HEPACAM2: variants seen among roughly 807,000 people sequenced by gnomAD.
HEPACAM2 encodes the protein HEPACAM family member 2, also known as mitotic kinetics regulator.
Under a neutral mutation model 49.6 loss-of-function variants are expected in HEPACAM2, and 49 were observed. The observed-to-expected ratio is 0.99, with a 90% CI of 0.78 to 1.25. HEPACAM2 has a LOEUF of 1.25. HEPACAM2 is among the 50% of genes most tolerant of loss of function. HEPACAM2 has a pLI of 0.00. For missense variants in HEPACAM2, 525 were observed against 557.2 expected (o/e 0.94, Z 0.58); for synonymous variants, 197 against 202.9 (o/e 0.97, Z 0.25).
chr7:93,215,586 C>T lies in HEPACAM2; in HGVS notation c.530G>A (p.Arg177Gln), dbSNP rs773053477. The T allele has an allele frequency of 4.3e-6, 7 of 1,613,736 alleles. No homozygotes were observed. The highest frequency in any genetic ancestry group is 4.5e-5 in the East Asian group (2 of 44,846). Residue 177 changes from arginine (R) to glutamine (Q), a missense_variant, in exon 3 of 10, where the codon CGG (arginine) becomes CAG (glutamine). Physicochemically the swap from Arg to Gln is conservative, Grantham distance 43. Transcript: ENST00000394468. The stretch of plus-strand genomic sequence containing the variant: ...ATTTTTTAGCCATTGGTAAGCTAGC[C>T]GAGTGCCCCCTTCCACATGGCATGT... ...TLTCHVEGGT[R>Q]LAYQWLKNGR...
At chr7:93,190,603 C>G (rs576578556) in intron 9 of HEPACAM2, among the ~76,000 whole-genome samples, 35 of 152,030 alleles carry the variant, frequency 2.3e-4, no homozygotes, top group African/African-American at 8.4e-4. Flanking sequence ...GGACCATGTC[C>G]CAATAGCGGT....
intron 4 of HEPACAM2, among the ~76,000 whole-genome samples, chr7:93,200,207 T>G (rs1354110806): frequency 1.3e-5 from 2 of 152,114 alleles, no homozygotes. Context: ...TCTCCCACTT[T>G]GTGATTTTTT....
chr7:93,207,918 A>AT (rs923050337), intron 4 of HEPACAM2, among the ~76,000 whole-genome samples: 10 of 152,060 alleles, frequency 6.6e-5, no homozygotes, highest in African/African-American at 2.4e-4. Flanking sequence ...GAATAAAACC[A>AT]TTCTGTAGAG....
intron 2 of HEPACAM2, among the ~76,000 whole-genome samples, 199 bp downstream of exon 2, chr7:93,218,902 G>T (rs1285521893): frequency 6.6e-6 from 1 of 152,150 alleles, no homozygotes; most frequent in African/African-American, 2.4e-5. Flanking sequence ...TATCTCTTAT[G>T]TGCATGTCTT....
chr7:93,204,865 C>T (rs1313191362), intron 4 of HEPACAM2, among the ~76,000 whole-genome samples: 6 of 151,970 alleles, frequency 3.9e-5, no homozygotes, highest in African/African-American at 9.7e-5. Context: ...TTTGGGAGGC[C>T]GAGGTGGGCA....
chr7:93,193,444 T>C (rs1793607805), intron 8 of HEPACAM2, among the ~76,000 whole-genome samples: 1 of 152,162 alleles, frequency 6.6e-6, no homozygotes, highest in African/African-American at 2.4e-5. Flanking sequence ...CTAACTTACC[T>C]AACCTAATAT....
At chr7:93,225,052 G>A (rs1794514860) in intron 1 of HEPACAM2, among the ~76,000 whole-genome samples, 1 of 152,094 alleles carries the variant, frequency 6.6e-6, no homozygotes, top group South Asian at 2.1e-4. Flanking sequence ...TTATGAACAT[G>A]CTATTTTCCT....
Position 93,197,281 on chromosome 7 carries a change from G to C in HEPACAM2, c.1164-3C>G, listed in dbSNP as rs745686155. ...CTTTCCTGTATTCTGTTTCTGGCCT[G>C]AAAAGACAAAATAGGTATTTTTGTC... is the stretch of plus-strand genomic sequence containing the variant. On this transcript the variant is annotated splice_polypyrimidine_tract_variant and splice_region_variant and intron_variant, in intron 6 of 9. Coordinates refer to ENST00000394468, the MANE Select transcript of HEPACAM2 (RefSeq NM_001039372.4). 7.5e-6 allele frequency: 12 copies of C among 1,610,558 alleles called. No homozygotes were observed. The highest frequency in any genetic ancestry group is 1.7e-5 in the Admixed American group (1 of 59,600).
intron 4 of HEPACAM2, among the ~76,000 whole-genome samples, chr7:93,200,077 G>A (rs914511883): frequency 2.0e-5 from 3 of 151,720 alleles, no homozygotes; most frequent in Admixed American, 2.0e-4. Flanking sequence ...ATATGAAAAG[G>A]GTGTATTCTG....
chr7:93,218,316 G>A (rs1022717019), intron 2 of HEPACAM2, among the ~76,000 whole-genome samples: 1 of 152,056 alleles, frequency 6.6e-6, no homozygotes, highest in African/African-American at 2.4e-5. Flanking sequence ...GACAGTTCAG[G>A]CCGCGGCTGA....
chr7:93,212,267 G>C (rs551156119), intron 3 of HEPACAM2, among the ~76,000 whole-genome samples: 1 of 152,048 alleles, frequency 6.6e-6, no homozygotes, highest in South Asian at 2.1e-4. Context: ...TGTGTATTTT[G>C]ATTTCGTTAC....
In HEPACAM2 at chr7:93,207,983, C is replaced by T. The variant is rs775428149; in HGVS notation, c.1012+597G>A. Among the ~76,000 whole-genome samples the T allele has an allele frequency of 6.6e-5, 10 of 151,928 alleles. No homozygotes were observed. The East Asian group carries it at 1.4e-3, about 21-fold the overall frequency. ...TTTGGTGGACATCAATATTTTAGGC[C>T]GTAATTCTTAATCTTTGCGGGTTGA... On this transcript the variant is annotated intron_variant, in intron 4 of 9. Coordinates refer to ENST00000394468, the MANE Select transcript of HEPACAM2 (RefSeq NM_001039372.4).
intron 1 of HEPACAM2, among the ~76,000 whole-genome samples, chr7:93,221,862 A>G (rs1237970113): frequency 1.3e-5 from 2 of 152,180 alleles, no homozygotes; most frequent in Non-Finnish European, 2.9e-5. Flanking sequence ...TGATTGGTCC[A>G]TAACAAAGCA....
intron 3 of HEPACAM2, among the ~76,000 whole-genome samples, chr7:93,213,724 T>C (rs1260438964): frequency 1.3e-5 from 2 of 151,822 alleles, no homozygotes; most frequent in Non-Finnish European, 2.9e-5. Context: ...TCAAGGAAAA[T>C]ATAAAGCAGT....
intron 4 of HEPACAM2, among the ~76,000 whole-genome samples, chr7:93,204,471 G>A (rs761187833): frequency 6.6e-6 from 1 of 151,972 alleles, no homozygotes; most frequent in African/African-American, 2.4e-5. Flanking sequence ...AAGGAAGTCC[G>A]TAATTAAGGT....
At chr7:93,225,929 C>A in intron 1 of HEPACAM2, 1 of 1,426,974 alleles carries the variant, frequency 7.0e-7, no homozygotes, top group South Asian at 1.3e-5. Flanking sequence ...TAAAACGAAG[C>A]AGTAAACAGT....
chr7:93,195,056 A>T (rs552816201), intron 8 of HEPACAM2, among the ~76,000 whole-genome samples: 1 of 151,608 alleles, frequency 6.6e-6, no homozygotes, highest in African/African-American at 2.4e-5. Context: ...TTCCTTCTGA[A>T]GCATGAGGTA....
intron 1 of HEPACAM2, among the ~76,000 whole-genome samples, chr7:93,224,495 T>G (rs1315313501): frequency 6.6e-6 from 1 of 152,076 alleles, no homozygotes; most frequent in Non-Finnish European, 1.5e-5. Context: ...GGAGAAACAT[T>G]TATAATACTA....
chr7:93,194,921 C>CTTTTTTTTTT (rs80158728), intron 8 of HEPACAM2, among the ~76,000 whole-genome samples: 3,249 of 117,780 alleles, frequency 0.028, 108 homozygotes, highest in Non-Finnish European at 0.035. Flanking sequence ...TTTAAAAGAT[C>CTTTTTTTTTT]TTTTTTTTTT....
Sources: gnomAD v4.1 joint callset for allele counts (sites outside exome capture counted in the v4.1 genomes callset) on GRCh38, gnomAD v4.1.1 for gene constraint, MANE v1.5 for transcripts, NCBI Gene and HGNC (gene_info 2026-07-23, HGNC 2026-07-21) for gene names.